ASB3: variants seen among roughly 807,000 people sequenced by gnomAD.
ASB3 encodes the protein ankyrin repeat and SOCS box protein 3.
Under a neutral mutation model 54.5 loss-of-function variants are expected in ASB3, and 41 were observed. The ratio of observed to expected loss-of-function variants is 0.75; its 90% CI spans 0.59 to 0.98. ASB3 has a LOEUF of 0.98. Among genes scored for constraint, ASB3 ranks in the 50% least tolerant of loss-of-function variants. The probability of loss-of-function intolerance (pLI) is 0.00; values close to 1 mark genes in which losing one functional copy is unlikely to be tolerated. For missense variants in ASB3, 733 were observed against 620.0 expected, an observed-to-expected ratio of 1.18 and a Z score of -1.94; for synonymous variants, 266 against 221.2, an observed-to-expected ratio of 1.20 and a Z score of -1.80.
intron 8 of ASB3, among the ~76,000 whole-genome samples, chr2:53,694,971 C>G (rs1272890939): frequency 2.0e-5 from 3 of 151,992 alleles, no homozygotes; most frequent in Non-Finnish European, 4.4e-5. Flanking sequence ...TTTAAAAGAA[C>G]TCTAAATCCT....
rs116528773 is a variant in ASB3, at chr2:53,786,792, A to G, written c.-14+29T>C. 4.7e-3 allele frequency: 826 copies of G among 173,986 alleles called. 7 individuals are homozygous for G. The highest frequency in any genetic ancestry group is 0.019 in the African/African-American group (785 of 42,224). 10.8% of individuals were successfully genotyped at this position (173,986 alleles called of 1,614,324 possible). Reference sequence around the variant, plus strand: ...GAGAGCAGCGGGAATGGCTTCAGGAAGCGGCTGCCGCCTCCGAGACTCACC... The same window carrying G: ...GAGAGCAGCGGGAATGGCTTCAGGAGGCGGCTGCCGCCTCCGAGACTCACC... On this transcript the variant is annotated intron_variant, in intron 1 of 9. Transcript: ENST00000263634.
chr2:53,757,296 C>G (rs568573270), intron 2 of ASB3, among the ~76,000 whole-genome samples: 1 of 152,346 alleles, frequency 6.6e-6, no homozygotes, highest in African/African-American at 2.4e-5. Context: ...AACGTCCAAC[C>G]CTTCTGGGTT....
chr2:53,772,364 C>T (rs1433093448), intron 1 of ASB3, among the ~76,000 whole-genome samples: 4 of 152,066 alleles, frequency 2.6e-5, no homozygotes, highest in Admixed American at 6.6e-5. Flanking sequence ...TTAGTAGAGA[C>T]GAGGTTTCAC....
At chr2:53,773,401 C>CT (rs145606850) in intron 1 of ASB3, among the ~76,000 whole-genome samples, 2,555 of 151,690 alleles carry the variant, frequency 0.017, 73 homozygotes, top group African/African-American at 0.059. Context: ...CTTCTGTGCA[C>CT]TTTAAGTGAA....
intron 1 of ASB3, among the ~76,000 whole-genome samples, chr2:53,777,024 A>C (rs192321423): frequency 6.6e-6 from 1 of 152,254 alleles, no homozygotes; most frequent in Non-Finnish European, 1.5e-5. Flanking sequence ...GGTTCATTTT[A>C]CCTTTCTAAA....
intron 3 of ASB3, among the ~76,000 whole-genome samples, chr2:53,747,827 G>C (rs1672305848): frequency 6.6e-6 from 1 of 152,282 alleles, no homozygotes; most frequent in South Asian, 2.1e-4. Context: ...GAGATCAGTG[G>C]ATACTTCAGA....
chr2:53,765,446 C>A lies in ASB3; in HGVS notation c.127G>T (p.Gly43Ter). ...GRSVDVADNRGWMPIHEAAYH... is the reference protein window; with the variant it reads ...GRSVDVADNR ...GCTGCTTCATGAATTGGCATCCATC[C>A]CCTGTTATCAGCAACATCGACACTT... The change falls in exon 2 of 10, where the codon GGA becomes TGA. Residue 43 changes from glycine to a stop codon, truncating the protein, a stop_gained. Transcript: ENST00000263634. LOFTEE classifies it high-confidence loss of function. The A allele has an allele frequency of 1.9e-6, 3 of 1,614,206 alleles. No homozygotes were observed. The highest frequency in any genetic ancestry group is 2.5e-6 in the Non-Finnish European group (3 of 1,180,028).
chr2:53,759,284 A>G (rs1360302576), intron 2 of ASB3, among the ~76,000 whole-genome samples: 4 of 152,198 alleles, frequency 2.6e-5, no homozygotes, highest in Non-Finnish European at 5.9e-5. Context: ...TAGGAGGAAG[A>G]CTATGAATTA....
At chr2:53,762,427 G>A (rs1317062345) in intron 2 of ASB3, among the ~76,000 whole-genome samples, 1 of 152,162 alleles carries the variant, frequency 6.6e-6, no homozygotes, top group Non-Finnish European at 1.5e-5. Context: ...CCATCTGACC[G>A]TAACTCTTAA....
At chr2:53,691,192 G>A (rs1012616252) in intron 9 of ASB3, among the ~76,000 whole-genome samples, 9 of 152,182 alleles carry the variant, frequency 5.9e-5, no homozygotes, top group African/African-American at 2.2e-4. Context: ...AAGATGAGAA[G>A]CAAGAAATGC....
rs1363814497 is a variant in ASB3 at position 53,670,547 on chromosome 2, T to C, written c.1513A>G (p.Arg505Gly). The change falls in exon 10 of 10, where the codon AGG becomes GGG. Residue 505 changes from arginine to glycine, a missense_variant. Coordinates refer to ENST00000263634, the MANE Select transcript of ASB3 (RefSeq NM_016115.5). ...GCCAGTTCTGGAACTTCATACATCC[T>C]CAGAACGTCTTCATAGAGCAAATAA... The part of the protein sequence containing the change: ...HNYLLYEDVL[R>G]MYEVPELAAI... 4.3e-6 allele frequency: 7 copies of C among 1,613,922 alleles called. No homozygotes were observed. The highest frequency in any genetic ancestry group is 1.6e-4 in the Middle Eastern group (1 of 6,072).
chr2:53,679,957 T>A (rs1367898797), intron 9 of ASB3, among the ~76,000 whole-genome samples: 1 of 152,134 alleles, frequency 6.6e-6, no homozygotes, highest in Non-Finnish European at 1.5e-5. Flanking sequence ...TAGGTTCTCA[T>A]CATTTTGCTC....
At chr2:53,689,397 T>C (rs971137673) in intron 9 of ASB3, among the ~76,000 whole-genome samples, 3 of 152,196 alleles carry the variant, frequency 2.0e-5, no homozygotes, top group Admixed American at 1.3e-4. Context: ...CTGAGCAAGA[T>C]ACATGTTCTT....
intron 7 of ASB3, among the ~76,000 whole-genome samples, chr2:53,701,255 T>G (rs1558525368): frequency 6.6e-6 from 1 of 152,186 alleles, no homozygotes; most frequent in Non-Finnish European, 1.5e-5. Context: ...CCACCGTGAC[T>G]GGCCTTACAT....
intron 1 of ASB3, chr2:53,774,430 A>T (rs768608215): frequency 6.2e-7 from 1 of 1,611,658 alleles, no homozygotes; most frequent in Non-Finnish European, 8.5e-7. Context: ...TTCTATTAGG[A>T]ACCTTGTGCC....
intron 7 of ASB3, among the ~76,000 whole-genome samples, chr2:53,712,083 T>A (rs565055590): frequency 6.6e-6 from 1 of 152,106 alleles, no homozygotes; most frequent in Non-Finnish European, 1.5e-5. Flanking sequence ...TTTGGAGTAC[T>A]TGTGAAAGGA....
intron 1 of ASB3, among the ~76,000 whole-genome samples, chr2:53,769,361 A>C (rs545661786): frequency 6.6e-6 from 1 of 152,298 alleles, no homozygotes; most frequent in Non-Finnish European, 1.5e-5. Context: ...CGAAAAGAAA[A>C]CCTTTAGCCC....
At chr2:53,700,219 G>A in intron 8 of ASB3, 52 bp downstream of exon 8, 1 of 1,561,150 alleles carries the variant, frequency 6.4e-7, no homozygotes, top group Non-Finnish European at 8.6e-7. Context: ...GGAAATTAAA[G>A]GTAGTATATT....
intron 9 of ASB3, among the ~76,000 whole-genome samples, chr2:53,693,382 T>C (rs1000933661): frequency 2.6e-5 from 4 of 152,136 alleles, no homozygotes; most frequent in African/African-American, 9.7e-5. Flanking sequence ...TCACAGAATG[T>C]GCACTCAGCT....
Sources: allele counts gnomAD v4.1 joint callset (sites outside exome capture counted in the v4.1 genomes callset), GRCh38; gene constraint gnomAD v4.1.1; transcripts MANE v1.5; gene names NCBI Gene and HGNC (gene_info 2026-07-23, HGNC 2026-07-21).